DNAH3: variants seen among roughly 807,000 people sequenced by gnomAD.
The protein encoded by DNAH3 is dynein axonemal heavy chain 3, also known as axonemal beta dynein heavy chain 3.
In DNAH3, 332 loss-of-function variants were observed where a neutral mutation model predicts 432.5. The ratio of observed to expected loss-of-function variants is 0.77; its 90% confidence interval spans 0.70 to 0.84. DNAH3 has a LOEUF of 0.84. Ranked by LOEUF, DNAH3 falls within the 40% of genes least tolerant of loss-of-function variation. The pLI, the probability that DNAH3 is intolerant of heterozygous loss-of-function variation, is 0.00. For missense variants in DNAH3, 4,861 were observed against 5,114.0 expected, an observed-to-expected ratio of 0.95 and a Z score of 1.51; for synonymous variants, 1,956 against 1,900.2, an observed-to-expected ratio of 1.03 and a Z score of -0.76.
chr16:20,977,609 C>A (rs866086817), intron 50 of DNAH3, among the ~76,000 whole-genome samples: 1 of 152,284 alleles, frequency 6.6e-6, no homozygotes, highest in Non-Finnish European at 1.5e-5. Flanking sequence ...TAGTTAGGAA[C>A]ATAGGTTTTG....
chr16:21,076,936 T>A (rs1374847472), intron 20 of DNAH3, among the ~76,000 whole-genome samples: 1 of 152,010 alleles, frequency 6.6e-6, no homozygotes, highest in Non-Finnish European at 1.5e-5. Flanking sequence ...CCTTCTAGGG[T>A]GTTGAGCAGC....
chr16:20,965,538 G>A, intron 52 of DNAH3, 113 bp from the exon 53 acceptor site: 2 of 900,596 alleles, frequency 2.2e-6, no homozygotes, highest in Non-Finnish European at 3.2e-6. Flanking sequence ...AACATGGTCT[G>A]AGAGGCCCAG....
chr16:20,960,770 T>A (rs151313176), intron 53 of DNAH3, among the ~76,000 whole-genome samples: 1 of 152,252 alleles, frequency 6.6e-6, no homozygotes, highest in African/African-American at 2.4e-5. Context: ...GGAAAAGACA[T>A]GGAAGCTCAT....
exon 53 of DNAH3, chr16:20,964,463 T>G: frequency 6.2e-7 from 1 of 1,614,206 alleles, no homozygotes; most frequent in South Asian, 1.1e-5. Context: ...TTGAGCAAGA[T>G]AGGTTCGATA....
intron 40 of DNAH3, among the ~76,000 whole-genome samples, chr16:21,020,397 A>ATATTTT (rs1555530020): frequency 8.7e-5 from 3 of 34,594 alleles, no homozygotes; most frequent in African/African-American, 1.2e-4. Context: ...ATATATATAT[A>ATATTTT]TTTTTTTTTT....
At chr16:21,037,175 G>A (rs1391730975) in intron 34 of DNAH3, among the ~76,000 whole-genome samples, 1 of 152,158 alleles carries the variant, frequency 6.6e-6, no homozygotes, top group Non-Finnish European at 1.5e-5. Flanking sequence ...TGTGCATGGT[G>A]GCTCATGCCT....
rs1278239883 is a variant in DNAH3, at chr16:20,958,208, G to T, written c.10826+971C>A. On this transcript the variant is annotated intron_variant, in intron 54 of 61. Transcript: ENST00000261383. ...CCAGTTCAGCCTCCCAAGTTGCTGG[G>T]ACTACAAATGTGCGCCACCATGCCC... Among the ~76,000 whole-genome samples, 3 of 151,828 alleles carry T rather than the reference G, an allele frequency of 2.0e-5. No homozygotes were observed. The East Asian group carries it at 5.8e-4, about 29-fold the overall frequency.
In DNAH3 at chr16:21,082,137, C is replaced by T. The variant is rs189232561; in HGVS notation, c.2878-410G>A. Among the ~76,000 whole-genome samples, 15 of 152,084 alleles carry T rather than the reference C, an allele frequency of 9.9e-5. No homozygotes were observed. The East Asian group carries it at 2.5e-3, about 26-fold the overall frequency. On this transcript the variant is annotated intron_variant, in intron 19 of 61. Coordinates refer to ENST00000261383, the Ensembl canonical transcript of DNAH3. ...GTGGTCTCAAACTCCTGGCCTCAAG[C>T]GATCCTCCCACCATAGCCTCCCAAA...
intron 42 of DNAH3, among the ~76,000 whole-genome samples, chr16:21,002,343 A>G (rs2152692220): frequency 6.6e-6 from 1 of 152,222 alleles, no homozygotes; most frequent in South Asian, 2.1e-4. Context: ...ATCAAAACCT[A>G]CTTTTCAGAG....
At chr16:21,031,685 A>G (rs955295058) in intron 36 of DNAH3, among the ~76,000 whole-genome samples, 4 of 152,106 alleles carry the variant, frequency 2.6e-5, no homozygotes, top group African/African-American at 9.7e-5. Context: ...ATTTCTCACC[A>G]TACTTTCTTC....
chr16:21,110,753 C>T (rs912634952), intron 14 of DNAH3, among the ~76,000 whole-genome samples: 2 of 152,030 alleles, frequency 1.3e-5, no homozygotes, highest in Non-Finnish European at 2.9e-5. Context: ...ACCTGTAGTC[C>T]CAACAGACTT....
At chr16:21,092,697 G>GC (rs1282548506) in intron 18 of DNAH3, among the ~76,000 whole-genome samples, 15 of 2,220 alleles carry the variant, frequency 6.8e-3, no homozygotes, top group Admixed American at 0.02. Flanking sequence ...GAAAATATTT[G>GC]CAAAAAAAAA....
chr16:21,075,914 C>CAAAAAAA (rs34186982), intron 20 of DNAH3, among the ~76,000 whole-genome samples: 11 of 52,674 alleles, frequency 2.1e-4, no homozygotes, highest in African/African-American at 9.0e-4. Flanking sequence ...AACCCTGTCT[C>CAAAAAAA]AAAAAAAAAA....
At chr16:20,956,179 C>A (rs149832649) in intron 54 of DNAH3, among the ~76,000 whole-genome samples, 3 of 152,110 alleles carry the variant, frequency 2.0e-5, no homozygotes, top group African/African-American at 7.2e-5. Context: ...CCACCCACCT[C>A]GGCCCCCCAA....
At position 21,150,797 on chromosome 16, in the gene DNAH3, C is replaced by T. The variant is rs542533897; in HGVS notation, c.118-4709G>A. 35 of 155,396 alleles carry T rather than the reference C, an allele frequency of 2.3e-4. 1 individual carries two copies. In the South Asian group the frequency reaches 6.7e-3, roughly 30 times the overall value. The allele number at this position is 155,396 out of a possible 1,614,324, so 9.6% of individuals were successfully genotyped here. ...AGCCCGAACTGTTCTCCCTCCTCCT[C>T]CCTGGACTCTTAACACTGGCAGTGC... On this transcript the variant is annotated intron_variant, in intron 1 of 61. Coordinates refer to ENST00000261383, the Ensembl canonical transcript of DNAH3.
At chr16:21,047,336 T>G (rs2089747829) in intron 31 of DNAH3, among the ~76,000 whole-genome samples, 1 of 148,922 alleles carries the variant, frequency 6.7e-6, no homozygotes, top group South Asian at 2.2e-4. Flanking sequence ...ATTTGGTCTT[T>G]TCACATAGTC....
chr16:21,096,763 T>A (rs1449086164), intron 18 of DNAH3, among the ~76,000 whole-genome samples: 1 of 152,180 alleles, frequency 6.6e-6, no homozygotes, highest in Non-Finnish European at 1.5e-5. Flanking sequence ...AAGTTGGTTC[T>A]TTGCTGTTAT....
chr16:21,103,649 C>A (rs1463885538), intron 16 of DNAH3, among the ~76,000 whole-genome samples: 2 of 152,202 alleles, frequency 1.3e-5, no homozygotes, highest in African/African-American at 4.8e-5. Flanking sequence ...TCAGCCAAAA[C>A]TCTCCCATTT....
exon 13 of DNAH3, chr16:21,112,060 T>C (rs772671234): frequency 5.0e-6 from 8 of 1,613,506 alleles, no homozygotes; most frequent in Non-Finnish European, 5.9e-6. Flanking sequence ...TGCCGTGTTA[T>C]CCAATAAGTC....
Sources: gnomAD v4.1 joint callset for allele counts (sites outside exome capture counted in the v4.1 genomes callset) on GRCh38, gnomAD v4.1.1 for gene constraint, MANE v1.5 for transcripts, NCBI Gene and HGNC (gene_info 2026-07-23, HGNC 2026-07-21) for gene names.